The following BABAM2 variants were observed in gnomAD, a reference collection of about 807,000 sequenced individuals.
BABAM2 encodes the protein BRISC and BRCA1-A complex member 2.
Under a neutral mutation model 54.7 loss-of-function variants are expected in BABAM2, and 31 were observed. That is an observed-to-expected ratio of 0.57 (90% CI 0.43 to 0.77). BABAM2 has a LOEUF of 0.77. Among genes scored for constraint, BABAM2 ranks in the 30% least tolerant of loss-of-function variants. The pLI is 0.00. For synonymous variants in BABAM2, 167 were observed against 162.9 expected, an observed-to-expected ratio of 1.03 and a Z score of -0.19; for missense variants, 364 against 455.8, an observed-to-expected ratio of 0.80 and a Z score of 1.83.
chr2:28,104,797 C>G (rs964496429), intron 6 of BABAM2, among the ~76,000 whole-genome samples: 71 of 152,260 alleles, frequency 4.7e-4, no homozygotes, highest in African/African-American at 1.7e-3. Context: ...CCCAAATGTC[C>G]ATCAATGATA....
At chr2:28,100,606 A>G (rs1667002465) in intron 6 of BABAM2, among the ~76,000 whole-genome samples, 2 of 152,196 alleles carry the variant, frequency 1.3e-5, no homozygotes, top group Non-Finnish European at 2.9e-5. Flanking sequence ...TCCAAACTCA[A>G]TAAATGATTT....
chr2:28,066,905 A>C (rs542998024), intron 6 of BABAM2, among the ~76,000 whole-genome samples: 1 of 152,330 alleles, frequency 6.6e-6, no homozygotes, highest in South Asian at 2.1e-4. Context: ...TGAAGGTAGG[A>C]ATATCGAAGA....
At chr2:28,254,424 G>A (rs960218003) in intron 10 of BABAM2, among the ~76,000 whole-genome samples, 1 of 151,392 alleles carries the variant, frequency 6.6e-6, no homozygotes, top group Admixed American at 6.6e-5. Context: ...GGCATGAGCC[G>A]CCACGCCCAT....
rs534398275 is a variant in BABAM2, at chr2:27,944,247, T to C, written c.205+14339T>C. 2.6e-5 allele frequency among the ~76,000 whole-genome samples: 4 copies of C among 152,300 alleles called. No individual in the cohort carries two copies. The South Asian group carries it at 8.3e-4, about 32-fold the overall frequency. Reference sequence around the variant, plus strand: ...TTATTGAGGTAGTGTAATTTACATATAATAAAATGTACCCACTTTAAGTGT... The same window carrying C: ...TTATTGAGGTAGTGTAATTTACATACAATAAAATGTACCCACTTTAAGTGT... On this transcript the variant is annotated intron_variant, in intron 3 of 11. Transcript: ENST00000379624.
At chr2:28,058,709 TTGA>T (rs1160591719) in intron 6 of BABAM2, among the ~76,000 whole-genome samples, 3 of 152,150 alleles carry the variant, frequency 2.0e-5, no homozygotes, top group Non-Finnish European at 2.9e-5. Flanking sequence ...GTTTTGGTTC[TTGA>T]TGAAACAAAC....
At chr2:28,012,385 C>G (rs905940337) in intron 4 of BABAM2, among the ~76,000 whole-genome samples, 4 of 152,126 alleles carry the variant, frequency 2.6e-5, no homozygotes, top group Non-Finnish European at 5.9e-5. Context: ...AGAACCACAG[C>G]CAAGCTGGGG....
intron 7 of BABAM2, among the ~76,000 whole-genome samples, chr2:28,202,856 T>G (rs1377015240): frequency 2.0e-5 from 3 of 152,198 alleles, no homozygotes; most frequent in East Asian, 3.9e-4. Flanking sequence ...GATATATGCC[T>G]TGAGTGCTTC....
rs61445539 is a variant in BABAM2 at position 28,026,885 on chromosome 2, TAG to T, written c.495+1467_495+1468del. The stretch of plus-strand genomic sequence containing the variant: ...ATAGATATATATATTTATATATATA[TAG>T]ATATATATAAATATATATAAATATA... On this transcript the variant is annotated intron_variant, in intron 5 of 11. Coordinates refer to ENST00000379624, the MANE Select transcript of BABAM2 (RefSeq NM_199191.3). 2.0e-3 allele frequency among the ~76,000 whole-genome samples: 82 copies of T among 40,192 alleles called. 1 individual carries two copies. The highest frequency in any genetic ancestry group is 0.01 in the Middle Eastern group (1 of 96). The allele number at this position is 40,192 out of a possible 152,430, so 26.4% of individuals were successfully genotyped here. A position where few individuals can be genotyped will look rare whatever the true frequency, so the allele number is the denominator to read the frequency against.
At chr2:28,177,988 G>C (rs1316843068) in intron 7 of BABAM2, among the ~76,000 whole-genome samples, 1 of 152,070 alleles carries the variant, frequency 6.6e-6, no homozygotes, top group African/African-American at 2.4e-5. Flanking sequence ...GGAGCACCCA[G>C]AGTTATAAAG....
intron 5 of BABAM2, among the ~76,000 whole-genome samples, chr2:28,026,894 AT>A (rs1675821002): frequency 8.2e-5 from 2 of 24,464 alleles, no homozygotes; most frequent in South Asian, 1.8e-3. Context: ...ATAGATATAT[AT>A]AAATATATAT....
intron 7 of BABAM2, among the ~76,000 whole-genome samples, chr2:28,220,545 C>T (rs1680304839): frequency 6.6e-6 from 1 of 151,900 alleles, no homozygotes; most frequent in Admixed American, 6.6e-5. Context: ...CTCTCCATCT[C>T]TATGTCTGTC....
intron 7 of BABAM2, among the ~76,000 whole-genome samples, chr2:28,150,145 C>T (rs531861743): frequency 1.3e-5 from 2 of 152,280 alleles, no homozygotes; most frequent in Non-Finnish European, 2.9e-5. Flanking sequence ...TTCATCCTTG[C>T]AAAAACCTTG....
rs563862359 is a variant in BABAM2, at chr2:28,284,321, A to T, written c.935-14017A>T. On this transcript the variant is annotated intron_variant, in intron 10 of 11. Transcript: ENST00000379624. ...TCAGAAAACAGTAGCAAGAAAACAAAACAAAAAGCTGGACAATTCACAGGC... is the reference window on the plus strand; with the variant it reads ...TCAGAAAACAGTAGCAAGAAAACAATACAAAAAGCTGGACAATTCACAGGC... 2.0e-5 allele frequency among the ~76,000 whole-genome samples: 3 copies of T among 152,300 alleles called. No homozygotes were observed. The East Asian group carries it at 5.8e-4, about 29-fold the overall frequency.
chr2:28,158,764 A>G (rs1672785656), intron 7 of BABAM2, among the ~76,000 whole-genome samples: 1 of 152,210 alleles, frequency 6.6e-6, no homozygotes, highest in Non-Finnish European at 1.5e-5. Flanking sequence ...ATTATTGTTA[A>G]TTATTGCGTG....
At chr2:28,171,647 T>C (rs1674337232) in intron 7 of BABAM2, among the ~76,000 whole-genome samples, 1 of 152,226 alleles carries the variant, frequency 6.6e-6, no homozygotes. Context: ...GTTTTCCATG[T>C]TTAGTGCTTT....
At chr2:28,048,207 G>A (rs1677741922) in intron 6 of BABAM2, among the ~76,000 whole-genome samples, 1 of 152,128 alleles carries the variant, frequency 6.6e-6, no homozygotes, top group African/African-American at 2.4e-5. Context: ...CTATTGATTT[G>A]CTACAATGAC....
At chr2:28,196,823 A>T (rs1457934879) in intron 7 of BABAM2, among the ~76,000 whole-genome samples, 1 of 124,208 alleles carries the variant, frequency 8.1e-6, no homozygotes, top group Non-Finnish European at 1.6e-5. Context: ...TGGGTGACAG[A>T]GTGAGACCCT....
chr2:27,926,920 C>T (rs1435669477), intron 2 of BABAM2, among the ~76,000 whole-genome samples: 1 of 152,008 alleles, frequency 6.6e-6, no homozygotes, highest in East Asian at 1.9e-4. Flanking sequence ...TCATCTCAAA[C>T]ATTTATCATT....
chr2:28,086,339 CT>C (rs1368634604), intron 6 of BABAM2, among the ~76,000 whole-genome samples: 2 of 152,212 alleles, frequency 1.3e-5, no homozygotes, highest in East Asian at 3.9e-4. Flanking sequence ...GTAGAACAGT[CT>C]TTTTTTCTTC....
Sources: allele counts gnomAD v4.1 joint callset (sites outside exome capture counted in the v4.1 genomes callset), GRCh38; gene constraint gnomAD v4.1.1; transcripts MANE v1.5; gene names NCBI Gene and HGNC (gene_info 2026-07-23, HGNC 2026-07-21).